SLC36A1: variants seen among roughly 807,000 people sequenced by gnomAD.
The protein encoded by SLC36A1 is solute carrier family 36 member 1, also known as proton-coupled amino acid transporter 1.
Under a neutral mutation model 47.5 loss-of-function variants are expected in SLC36A1, and 30 were observed. The ratio of observed to expected loss-of-function variants is 0.63; its 90% CI spans 0.47 to 0.86. The LOEUF (loss-of-function observed/expected upper bound fraction) is 0.86. SLC36A1 is among the 40% of genes least tolerant of loss of function. The pLI is 0.00. For missense variants in SLC36A1, 517 were observed against 606.0 expected, an observed-to-expected ratio of 0.85 and a Z score of 1.54; for synonymous variants, 255 against 249.7, an observed-to-expected ratio of 1.02 and a Z score of -0.20.
At chr5:151,507,348 G>A in the SLC36A1 span, 32 of 1,614,190 alleles carry the variant, frequency 2.0e-5, no homozygotes, top group African/African-American at 4.0e-4. Flanking sequence ...GCAGGAGCTG[G>A]CACTCAATGG....
the SLC36A1 span, among the ~76,000 whole-genome samples, chr5:151,396,149 A>G: frequency 6.7e-6 from 1 of 149,658 alleles, no homozygotes; most frequent in African/African-American, 2.5e-5. Flanking sequence ...TATTATTATT[A>G]TCATACATAT....
chr5:151,473,446 G>A (rs576427382), intron 7 of SLC36A1, among the ~76,000 whole-genome samples: 12 of 152,176 alleles, frequency 7.9e-5, no homozygotes, highest in African/African-American at 2.9e-4. Flanking sequence ...GTTTTTAATA[G>A]TACCTTGGGC....
At chr5:151,551,724 C>CCTG in the SLC36A1 span, 1 of 990,496 alleles carries the variant, frequency 1.0e-6, no homozygotes, top group Non-Finnish European at 1.5e-6. Flanking sequence ...AGTACAAGAT[C>CCTG]TGAGTGACAG....
the SLC36A1 span, among the ~76,000 whole-genome samples, chr5:151,430,125 C>T: frequency 5.3e-5 from 8 of 150,898 alleles, no homozygotes; most frequent in South Asian, 2.1e-4. Flanking sequence ...TCTCACCATC[C>T]GGGCAGCTAG....
chr5:151,479,851 A>T (rs1441400553), intron 10 of SLC36A1: 1 of 528,356 alleles, frequency 1.9e-6, no homozygotes, highest in Non-Finnish European at 3.3e-6. Context: ...TACTCTGATG[A>T]AGGGTACTTA....
intron 9 of SLC36A1, 65 bp downstream of exon 9, chr5:151,476,821 G>A (rs1318392590): frequency 1.3e-6 from 2 of 1,575,914 alleles, no homozygotes; most frequent in South Asian, 1.1e-5. Flanking sequence ...GGGTCACAGT[G>A]TGGATTCTCC....
chr5:151,463,339 A>ACAGCAC (rs1755838958), intron 2 of SLC36A1, among the ~76,000 whole-genome samples: 1 of 152,220 alleles, frequency 6.6e-6, no homozygotes, highest in Non-Finnish European at 1.5e-5. Flanking sequence ...CACAGTGGAT[A>ACAGCAC]AGAGGGGGAG....
At chr5:151,521,648 G>A in the SLC36A1 span, 68 of 1,614,046 alleles carry the variant, frequency 4.2e-5, no homozygotes, top group Non-Finnish European at 4.9e-5. Context: ...TGCAGGTTCC[G>A]CCAGTGGTCA....
the SLC36A1 span, among the ~76,000 whole-genome samples, chr5:151,500,275 G>A: frequency 1.3e-5 from 2 of 152,156 alleles, no homozygotes; most frequent in Non-Finnish European, 2.9e-5. Context: ...CCTTATTTAA[G>A]TTACTAACAT....
At chr5:151,507,699 TC>T in the SLC36A1 span, 2 of 1,248,034 alleles carry the variant, frequency 1.6e-6, no homozygotes, top group Non-Finnish European at 2.2e-6. Flanking sequence ...TAGAGACTGC[TC>T]CCCCCAAAAC....
chr5:151,502,989 A>G, the SLC36A1 span, among the ~76,000 whole-genome samples: 1 of 148,280 alleles, frequency 6.7e-6, no homozygotes, highest in African/African-American at 2.7e-5. Flanking sequence ...AAGTTTGAAA[A>G]AGCTACGTAT....
the SLC36A1 span, chr5:151,505,899 A>G: frequency 6.3e-7 from 1 of 1,596,550 alleles, no homozygotes; most frequent in East Asian, 2.2e-5. Context: ...ACGGGGTGGG[A>G]GAGGTGCCCG....
the SLC36A1 span, chr5:151,544,968 C>G: frequency 6.2e-7 from 1 of 1,614,178 alleles, no homozygotes; most frequent in Non-Finnish European, 8.5e-7. Context: ...TGACCAAACC[C>G]TGAGCCACCC....
upstream of SLC36A1, among the ~76,000 whole-genome samples, chr5:151,432,065 C>T (rs977502662): frequency 6.6e-6 from 1 of 152,158 alleles, no homozygotes; most frequent in Non-Finnish European, 1.5e-5. Context: ...CACAGTTGCT[C>T]TGACAATCTC....
the SLC36A1 span, among the ~76,000 whole-genome samples, chr5:151,409,299 G>A: frequency 5.9e-5 from 9 of 152,202 alleles, no homozygotes; most frequent in African/African-American, 2.2e-4. Flanking sequence ...CACTGCATCT[G>A]GTTGGGGTGG....
At chr5:151,469,270 A>G in intron 7 of SLC36A1, 1 of 700,670 alleles carries the variant, frequency 1.4e-6, no homozygotes, top group South Asian at 1.5e-5. Flanking sequence ...TTTACAGCCC[A>G]TGTAAGTATA....
chr5:151,448,456 G>A (rs1331088895), intron 1 of SLC36A1, among the ~76,000 whole-genome samples: 1 of 152,158 alleles, frequency 6.6e-6, no homozygotes, highest in Non-Finnish European at 1.5e-5. Flanking sequence ...TCTGGGTGTG[G>A]TTCCCTGTTT....
chr5:151,537,385 C>A, the SLC36A1 span, among the ~76,000 whole-genome samples: 16 of 137,252 alleles, frequency 1.2e-4, no homozygotes, highest in African/African-American at 2.1e-4. Context: ...CAACGAACAA[C>A]GAAAGGAAAG....
At chr5:151,452,199 A>G (rs1753753136) in intron 1 of SLC36A1, 1 of 152,244 alleles carries the variant, frequency 6.6e-6, no homozygotes, top group Non-Finnish European at 1.5e-5. Context: ...GTCTCAATTT[A>G]TGGAATGTTC....
Sources: gnomAD v4.1 joint callset for allele counts (sites outside exome capture counted in the v4.1 genomes callset) on GRCh38, gnomAD v4.1.1 for gene constraint, MANE v1.5 for transcripts, NCBI Gene and HGNC (gene_info 2026-07-23, HGNC 2026-07-21) for gene names.